SEMA6D: variants seen among roughly 807,000 people sequenced by gnomAD.
SEMA6D encodes the protein semaphorin-6D.
In SEMA6D, 35 loss-of-function variants were observed where a neutral mutation model predicts 106.6. That is an observed-to-expected ratio of 0.33 (90% CI 0.25 to 0.44). The LOEUF (loss-of-function observed/expected upper bound fraction) is 0.44, where lower values mean the gene tolerates loss of function less well. Among genes scored for constraint, SEMA6D ranks in the 20% least tolerant of loss-of-function variants. The pLI, the probability that SEMA6D is intolerant of heterozygous loss-of-function variation, is 1.00. For synonymous variants in SEMA6D, 499 were observed against 487.7 expected (o/e 1.02, Z -0.31); for missense variants, 1,185 against 1,345.9 (o/e 0.88, Z 1.87).
chr15:47,697,906 G>T (rs2078732899), intron 4 of SEMA6D, among the ~76,000 whole-genome samples: 1 of 152,208 alleles, frequency 6.6e-6, no homozygotes, highest in South Asian at 2.1e-4. Flanking sequence ...ATGAAACTTA[G>T]ATTCCATTCC....
At chr15:47,215,258 C>T (rs62017399) in intron 1 of SEMA6D, among the ~76,000 whole-genome samples, 1,863 of 151,368 alleles carry the variant, frequency 0.012, 42 homozygotes, top group Admixed American at 0.012. Context: ...AAGACTTTAA[C>T]GGAAAAAAGA....
intron 3 of SEMA6D, among the ~76,000 whole-genome samples, chr15:47,518,121 T>C (rs555569314): frequency 3.1e-4 from 47 of 152,346 alleles, no homozygotes; most frequent in African/African-American, 1.1e-3. Flanking sequence ...GATAAGGCTA[T>C]TTATTTACAT....
At chr15:47,445,731 C>G (rs1445758934) in intron 2 of SEMA6D, among the ~76,000 whole-genome samples, 2 of 130,628 alleles carry the variant, frequency 1.5e-5, no homozygotes, top group Admixed American at 8.4e-5. Context: ...TTTTACTATT[C>G]TAGTTTAAAT....
intron 1 of SEMA6D, 91 bp from the exon 2 acceptor site, chr15:47,759,654 G>A: frequency 1.6e-6 from 1 of 637,608 alleles, no homozygotes; most frequent in Non-Finnish European, 2.8e-6. Context: ...GGGCTTTGGA[G>A]GGAGCTGATG....
intron 1 of SEMA6D, among the ~76,000 whole-genome samples, chr15:47,220,518 T>G (rs62013971): frequency 0.012 from 1,853 of 152,226 alleles, 43 homozygotes; most frequent in Admixed American, 0.012. Flanking sequence ...CTGAACTGCT[T>G]GTCTGAGGAG....
intron 2 of SEMA6D, among the ~76,000 whole-genome samples, chr15:47,448,556 T>C (rs770246908): frequency 6.6e-5 from 10 of 152,230 alleles, no homozygotes; most frequent in African/African-American, 2.2e-4. Flanking sequence ...CAATAAATGG[T>C]TGGATGAATC....
intron 2 of SEMA6D, among the ~76,000 whole-genome samples, chr15:47,464,317 G>A (rs1440314133): frequency 6.6e-6 from 1 of 152,086 alleles, no homozygotes; most frequent in Admixed American, 6.6e-5. Flanking sequence ...AGGGTAAAAA[G>A]TCTTTCTCTG....
intron 1 of SEMA6D, among the ~76,000 whole-genome samples, chr15:47,318,054 C>T (rs1441767784): frequency 9.6e-6 from 1 of 104,000 alleles, no homozygotes; most frequent in East Asian, 2.4e-4. Flanking sequence ...AAATTATGCA[C>T]ATCTTTATTT....
chr15:47,555,498 T>C (rs2045890078), intron 3 of SEMA6D, among the ~76,000 whole-genome samples: 1 of 152,194 alleles, frequency 6.6e-6, no homozygotes, highest in African/African-American at 2.4e-5. Context: ...AAGCAAGTAA[T>C]ATGAACTAAG....
intron 3 of SEMA6D, among the ~76,000 whole-genome samples, chr15:47,471,478 C>G (rs1045675320): frequency 1.3e-5 from 2 of 152,174 alleles, no homozygotes; most frequent in Non-Finnish European, 2.9e-5. Context: ...ACATTCAACT[C>G]CTTCAGTAAT....
intron 1 of SEMA6D, among the ~76,000 whole-genome samples, chr15:47,382,000 A>G (rs1411867114): frequency 6.6e-6 from 1 of 152,116 alleles, no homozygotes; most frequent in African/African-American, 2.4e-5. Context: ...AGACCCTGTA[A>G]ATGTTCTGAG....
At chr15:47,577,339 T>A (rs1232844001) in intron 3 of SEMA6D, among the ~76,000 whole-genome samples, 1 of 152,210 alleles carries the variant, frequency 6.6e-6, no homozygotes, top group African/African-American at 2.4e-5. Flanking sequence ...CAAGCTAAAT[T>A]GTACCTGGAC....
chr15:47,637,402 T>TAATG (rs1208027353), intron 4 of SEMA6D, among the ~76,000 whole-genome samples: 6 of 152,178 alleles, frequency 3.9e-5, no homozygotes. Flanking sequence ...TCCACTAATC[T>TAATG]GACTATGTCC....
At chr15:47,385,577 G>T (rs781612144) in intron 1 of SEMA6D, among the ~76,000 whole-genome samples, 6 of 152,068 alleles carry the variant, frequency 3.9e-5, no homozygotes, top group Non-Finnish European at 7.4e-5. Context: ...ATACGCATCT[G>T]AACTCAAAGC....
At chr15:47,453,184 G>T (rs937213433) in intron 2 of SEMA6D, among the ~76,000 whole-genome samples, 2 of 151,518 alleles carry the variant, frequency 1.3e-5, no homozygotes, top group Non-Finnish European at 2.9e-5. Flanking sequence ...AAAATATTAG[G>T]ATAAAATTTA....
At chr15:47,351,912 T>C (rs949154745) in intron 1 of SEMA6D, among the ~76,000 whole-genome samples, 29 of 152,324 alleles carry the variant, frequency 1.9e-4, no homozygotes, top group African/African-American at 6.7e-4. Flanking sequence ...ATGGAAAATA[T>C]AGCTTTGACC....
At chr15:47,297,278 G>GT (rs1456736531) in intron 1 of SEMA6D, among the ~76,000 whole-genome samples, 2 of 152,182 alleles carry the variant, frequency 1.3e-5, no homozygotes, top group Non-Finnish European at 2.9e-5. Context: ...TAAAACAGAT[G>GT]TTTCGACTAC....
At chr15:47,435,353 C>T (rs1007548075) in intron 2 of SEMA6D, among the ~76,000 whole-genome samples, 1 of 152,080 alleles carries the variant, frequency 6.6e-6, no homozygotes, top group Non-Finnish European at 1.5e-5. Flanking sequence ...AGTAGGTTCT[C>T]ACTCTACTCT....
chr15:47,688,895 A>T (rs1385615297), intron 4 of SEMA6D, among the ~76,000 whole-genome samples: 3 of 152,220 alleles, frequency 2.0e-5, no homozygotes, highest in South Asian at 2.1e-4. Context: ...AGGACTGTTT[A>T]AAAAATGAGG....
Sources: gnomAD v4.1 joint callset for allele counts (sites outside exome capture counted in the v4.1 genomes callset) on GRCh38, gnomAD v4.1.1 for gene constraint, MANE v1.5 for transcripts, NCBI Gene and HGNC (gene_info 2026-07-23, HGNC 2026-07-21) for gene names.